The following FAM135B variants were observed in gnomAD, a reference collection of about 807,000 sequenced individuals.
FAM135B encodes protein FAM135B.
Under a neutral mutation model 127.7 loss-of-function variants are expected in FAM135B, and 43 were observed. That is an observed-to-expected ratio of 0.34 (90% CI 0.26 to 0.43). FAM135B has a LOEUF of 0.43. Among genes scored for constraint, FAM135B ranks in the 20% least tolerant of loss-of-function variants. The pLI is 1.00. For missense variants in FAM135B, 1,558 were observed against 1,725.6 expected (o/e 0.90, Z 1.72); for synonymous variants, 670 against 665.1 (o/e 1.01, Z -0.11).
chr8:138,171,222 T>C (rs1364231889), intron 11 of FAM135B, among the ~76,000 whole-genome samples: 1 of 152,224 alleles, frequency 6.6e-6, no homozygotes, highest in Non-Finnish European at 1.5e-5. Context: ...TCTGTCTCTC[T>C]GGAGAACGCT....
chr8:138,482,241 T>C (rs1476219917), intron 1 of FAM135B, among the ~76,000 whole-genome samples: 3 of 152,194 alleles, frequency 2.0e-5, no homozygotes, highest in African/African-American at 4.8e-5. Context: ...ATAGGGTATC[T>C]GCATGGGGTG....
chr8:138,468,530 G>T (rs1337489332), intron 1 of FAM135B, among the ~76,000 whole-genome samples: 2 of 152,106 alleles, frequency 1.3e-5, no homozygotes, highest in African/African-American at 2.4e-5. Flanking sequence ...TTTTTGAATA[G>T]GGTGTTGCAA....
intron 1 of FAM135B, among the ~76,000 whole-genome samples, chr8:138,423,417 G>C (rs1834641738): frequency 6.6e-6 from 1 of 152,128 alleles, no homozygotes; most frequent in African/African-American, 2.4e-5. Context: ...GAAATAAAGG[G>C]ACAGAGTACA....
chr8:138,184,191 G>A (rs527682206), intron 9 of FAM135B, among the ~76,000 whole-genome samples: 1 of 152,280 alleles, frequency 6.6e-6, no homozygotes, highest in South Asian at 2.1e-4. Flanking sequence ...GCCATAGCTT[G>A]CAGAAAGATA....
chr8:138,138,891 T>C, intron 18 of FAM135B, 95 bp downstream of exon 18: 1 of 831,734 alleles, frequency 1.2e-6, no homozygotes. Flanking sequence ...GGCCCTTCTG[T>C]GAGTGAATCA....
intron 7 of FAM135B, among the ~76,000 whole-genome samples, chr8:138,202,944 C>A (rs536871588): frequency 6.6e-6 from 1 of 152,250 alleles, no homozygotes; most frequent in South Asian, 2.1e-4. Flanking sequence ...TCACGGATGG[C>A]TCCCTCACTA....
chr8:138,322,993 T>C (rs925781172), intron 2 of FAM135B, among the ~76,000 whole-genome samples: 2 of 152,214 alleles, frequency 1.3e-5, no homozygotes, highest in African/African-American at 2.4e-5. Flanking sequence ...CACTCATAGG[T>C]TGACAGTATG....
At chr8:138,487,545 G>A (rs1815026819) in intron 1 of FAM135B, among the ~76,000 whole-genome samples, 1 of 148,998 alleles carries the variant, frequency 6.7e-6, no homozygotes, top group Non-Finnish European at 1.5e-5. Context: ...AAATGGCCCA[G>A]CACCCACCCG....
chr8:138,313,201 G>A (rs747147607), intron 2 of FAM135B, among the ~76,000 whole-genome samples: 1 of 151,956 alleles, frequency 6.6e-6, no homozygotes, highest in South Asian at 2.1e-4. Flanking sequence ...GTGCGATCTC[G>A]GCTCACTGCA....
chr8:138,250,881 C>T lies in FAM135B; in HGVS notation c.502G>A (p.Val168Ile), dbSNP rs184738153. ...YFHLSVISVT[V>I]HAALVALQQP... ...TGCAGAGCCACCAGGGCAGCATGGA[C>T]GGTCACCGAGATCACAGACAGGTGG... Residue 168 changes from valine to isoleucine, a missense_variant, in exon 6 of 20, where the codon GTC becomes ATC. Transcript: ENST00000395297. 3.4e-4 allele frequency: 551 copies of T among 1,613,964 alleles called. No homozygotes were observed. The highest frequency in any genetic ancestry group is 1.7e-3 in the Admixed American group (105 of 60,020).
chr8:138,342,895 C>T (rs143607196), intron 2 of FAM135B, among the ~76,000 whole-genome samples: 56 of 152,338 alleles, frequency 3.7e-4, no homozygotes, highest in African/African-American at 1.3e-3. Flanking sequence ...AACACGTGTG[C>T]ATCCAAACAT....
chr8:138,354,644 G>A (rs1252581573), intron 2 of FAM135B, among the ~76,000 whole-genome samples: 1 of 152,090 alleles, frequency 6.6e-6, no homozygotes, highest in African/African-American at 2.4e-5. Flanking sequence ...CTTTCTCATT[G>A]CTCTGCCCAG....
chr8:138,458,481 G>A (rs1339185701), intron 1 of FAM135B, among the ~76,000 whole-genome samples: 1 of 152,204 alleles, frequency 6.6e-6, no homozygotes, highest in Non-Finnish European at 1.5e-5. Context: ...GGGGAAGAAG[G>A]AGCAGAGTAG....
intron 9 of FAM135B, among the ~76,000 whole-genome samples, chr8:138,179,469 CA>C (rs1814799243): frequency 6.6e-6 from 1 of 152,150 alleles, no homozygotes; most frequent in Non-Finnish European, 1.5e-5. Flanking sequence ...AAATGAAAGT[CA>C]GTAAAAGAAT....
intron 9 of FAM135B, among the ~76,000 whole-genome samples, chr8:138,179,541 A>G (rs1263697554): frequency 1.3e-5 from 2 of 152,156 alleles, no homozygotes; most frequent in African/African-American, 4.8e-5. Flanking sequence ...AAGCCACATC[A>G]CCATGTCACC....
intron 7 of FAM135B, among the ~76,000 whole-genome samples, chr8:138,201,586 C>T (rs765132777): frequency 5.3e-5 from 8 of 152,154 alleles, no homozygotes; most frequent in African/African-American, 1.2e-4. Context: ...CCTGCAGAGT[C>T]GGTGTCAGAG....
intron 4 of FAM135B, among the ~76,000 whole-genome samples, chr8:138,263,185 G>C (rs1211817135): frequency 1.3e-5 from 2 of 152,110 alleles, no homozygotes; most frequent in East Asian, 3.9e-4. Context: ...AGTTTCTCCG[G>C]TGTAAATGTT....
chr8:138,177,423 G>T lies in FAM135B; in HGVS notation c.1030-3C>A. On this transcript the variant is annotated splice_polypyrimidine_tract_variant and splice_region_variant and intron_variant, in intron 10 of 19. Transcript: ENST00000395297. Reference sequence around the variant, plus strand: ...AAGGCCTCAGAAAACCTTCGGACCTGCAGAATAAAACAATGTAAACAGTTC... The same window carrying T: ...AAGGCCTCAGAAAACCTTCGGACCTTCAGAATAAAACAATGTAAACAGTTC... 1 of 1,612,294 alleles carries T rather than the reference G, an allele frequency of 6.2e-7. No homozygotes were observed. The highest frequency in any genetic ancestry group is 8.5e-7 in the Non-Finnish European group (1 of 1,178,980).
intron 7 of FAM135B, among the ~76,000 whole-genome samples, chr8:138,229,354 A>G (rs1489134645): frequency 1.3e-5 from 2 of 152,138 alleles, no homozygotes. Context: ...CAAAGCATAC[A>G]CAGTCTCAAG....
Sources: gnomAD v4.1 joint callset for allele counts (sites outside exome capture counted in the v4.1 genomes callset) on GRCh38, gnomAD v4.1.1 for gene constraint, MANE v1.5 for transcripts, NCBI Gene and HGNC (gene_info 2026-07-23, HGNC 2026-07-21) for gene names.